KCNK13: variants seen among roughly 807,000 people sequenced by gnomAD.
KCNK13 encodes the protein potassium two pore domain channel subfamily K member 13, also known as potassium channel subfamily K member 13.
A neutral mutation model predicts 23.4 loss-of-function variants in KCNK13; 12 were observed. The ratio of observed to expected loss-of-function variants is 0.51; its 90% CI spans 0.33 to 0.83. The LOEUF (loss-of-function observed/expected upper bound fraction) is 0.83. Among genes scored for constraint, KCNK13 ranks in the 40% least tolerant of loss-of-function variants. The pLI, the probability that KCNK13 is intolerant of heterozygous loss-of-function variation, is 0.02. For synonymous variants in KCNK13, 231 were observed against 229.5 expected, an observed-to-expected ratio of 1.01 and a Z score of -0.06; for missense variants, 463 against 556.3, an observed-to-expected ratio of 0.83 and a Z score of 1.69.
At chr14:90,108,019 C>T (rs1490765881) in intron 1 of KCNK13, 5 of 671,286 alleles carry the variant, frequency 7.4e-6, no homozygotes, top group Non-Finnish European at 1.4e-5. Context: ...CACACGCTGA[C>T]TTTCCTCCTC....
chr14:90,159,745 T>C (rs1890231909), intron 1 of KCNK13, among the ~76,000 whole-genome samples: 1 of 152,210 alleles, frequency 6.6e-6, no homozygotes. Context: ...TATCCTGTTT[T>C]ATAGATAAAG....
chr14:90,131,450 T>G (rs2140422895), intron 1 of KCNK13, among the ~76,000 whole-genome samples: 1 of 152,276 alleles, frequency 6.6e-6, no homozygotes, highest in East Asian at 1.9e-4. Flanking sequence ...CAAGATGGTC[T>G]CAGTCTCTTG....
At chr14:90,140,049 A>G (rs1889987214) in intron 1 of KCNK13, among the ~76,000 whole-genome samples, 1 of 152,180 alleles carries the variant, frequency 6.6e-6, no homozygotes, top group Admixed American at 6.5e-5. Flanking sequence ...GACTGTGCAG[A>G]TGGCAGGTAG....
intron 1 of KCNK13, among the ~76,000 whole-genome samples, chr14:90,140,154 C>T (rs891067223): frequency 2.0e-5 from 3 of 152,150 alleles, no homozygotes; most frequent in East Asian, 1.9e-4. Flanking sequence ...TTAAAACAGG[C>T]CCCTTGGCTT....
At chr14:90,070,867 A>G (rs1889066431) in intron 1 of KCNK13, among the ~76,000 whole-genome samples, 1 of 152,194 alleles carries the variant, frequency 6.6e-6, no homozygotes, top group Non-Finnish European at 1.5e-5. Context: ...ACCTCCACTC[A>G]GGATAGGGTG....
At chr14:90,181,210 A>G (rs1890481681) in intron 1 of KCNK13, among the ~76,000 whole-genome samples, 1 of 152,146 alleles carries the variant, frequency 6.6e-6, no homozygotes, top group Non-Finnish European at 1.5e-5. Context: ...GGGGTCAAGG[A>G]CTATGTCTGT....
rs144223211 is a variant in KCNK13, at chr14:90,091,109, G to T, written c.334+28570G>T. Among the ~76,000 whole-genome samples, 485 of 152,280 alleles carry T rather than the reference G, an allele frequency of 3.2e-3. 5 individuals carry two copies. The highest frequency in any genetic ancestry group is 0.011 in the African/African-American group (463 of 41,566). The stretch of plus-strand genomic sequence containing the variant: ...GAGGTTCCTCTTGTCTCTGAGATAT[G>T]TGAACCAAGTGATCTTATCACCTAG... On this transcript the variant is annotated intron_variant, in intron 1 of 1. Transcript: ENST00000282146.
chr14:90,141,787 T>G, intron 1 of KCNK13, among the ~76,000 whole-genome samples: 1 of 25,400 alleles, frequency 3.9e-5, no homozygotes, highest in African/African-American at 1.2e-4. Flanking sequence ...TGTTTTGTTT[T>G]GTTTTTTGGG....
At chr14:90,068,737 C>T (rs1317356884) in intron 1 of KCNK13, among the ~76,000 whole-genome samples, 1 of 152,154 alleles carries the variant, frequency 6.6e-6, no homozygotes, top group Non-Finnish European at 1.5e-5. Context: ...TCTAGAGGGC[C>T]GTTCATGTTG....
intron 1 of KCNK13, among the ~76,000 whole-genome samples, chr14:90,174,166 C>T (rs1890396307): frequency 2.0e-5 from 3 of 151,952 alleles, no homozygotes; most frequent in Admixed American, 6.6e-5. Context: ...AAAAATTAGC[C>T]GGGTGTGGTG....
chr14:90,164,981 T>C (rs1890287456), intron 1 of KCNK13, among the ~76,000 whole-genome samples: 1 of 152,230 alleles, frequency 6.6e-6, no homozygotes. Context: ...CAAAAGGATT[T>C]AATGGACTTA....
intron 1 of KCNK13, among the ~76,000 whole-genome samples, chr14:90,123,858 C>T (rs2140418652): frequency 6.6e-6 from 1 of 152,286 alleles, no homozygotes; most frequent in Middle Eastern, 3.4e-3. Flanking sequence ...TGAGACAGGG[C>T]TAATTCTAAG....
intron 1 of KCNK13, among the ~76,000 whole-genome samples, chr14:90,100,268 C>T (rs962462863): frequency 2.0e-5 from 3 of 152,064 alleles, no homozygotes; most frequent in African/African-American, 7.2e-5. Flanking sequence ...ATGTTTCCAC[C>T]CAAGAAACTC....
At chr14:90,145,907 G>A (rs1376344798) in intron 1 of KCNK13, among the ~76,000 whole-genome samples, 1 of 151,950 alleles carries the variant, frequency 6.6e-6, no homozygotes, top group African/African-American at 2.4e-5. Flanking sequence ...GGGTGGGGAG[G>A]TGCCGAGGTA....
chr14:90,072,892 G>A (rs1366657653), intron 1 of KCNK13, among the ~76,000 whole-genome samples: 8 of 151,890 alleles, frequency 5.3e-5, no homozygotes, highest in Non-Finnish European at 1.5e-5. Flanking sequence ...TGAAATTTTG[G>A]ATTTCACCAT....
chr14:90,137,696 G>A (rs1387474244), intron 1 of KCNK13, among the ~76,000 whole-genome samples: 3 of 152,162 alleles, frequency 2.0e-5, no homozygotes, highest in African/African-American at 7.2e-5. Flanking sequence ...TCTAAAAATG[G>A]AGGAAATAAA....
intron 1 of KCNK13, among the ~76,000 whole-genome samples, chr14:90,072,674 CT>C (rs1386404917): frequency 6.6e-6 from 1 of 152,154 alleles, no homozygotes; most frequent in African/African-American, 2.4e-5. Flanking sequence ...CAGTTACACT[CT>C]CTTAAACTCT....
intron 1 of KCNK13, among the ~76,000 whole-genome samples, chr14:90,096,304 C>T (rs1956949440): frequency 6.6e-6 from 1 of 152,166 alleles, no homozygotes; most frequent in Non-Finnish European, 1.5e-5. Context: ...GTGACCAGCC[C>T]CATTCTGAAA....
At chr14:90,156,772 C>A (rs972286207) in intron 1 of KCNK13, among the ~76,000 whole-genome samples, 1 of 152,176 alleles carries the variant, frequency 6.6e-6, no homozygotes, top group Non-Finnish European at 1.5e-5. Context: ...GCATGAGTGG[C>A]AAAAGCAAGA....
Sources: allele counts gnomAD v4.1 joint callset (sites outside exome capture counted in the v4.1 genomes callset), GRCh38; gene constraint gnomAD v4.1.1; transcripts MANE v1.5; gene names NCBI Gene and HGNC (gene_info 2026-07-23, HGNC 2026-07-21).